FSTL5: variants seen among roughly 807,000 people sequenced by gnomAD.
FSTL5 encodes the protein follistatin like 5.
FSTL5 carries 62 observed loss-of-function variants against 89.1 expected under a neutral mutation model. That is an observed-to-expected ratio of 0.70 (90% confidence interval 0.57 to 0.86). FSTL5 has a LOEUF of 0.86. Among genes scored for constraint, FSTL5 ranks in the 40% least tolerant of loss-of-function variants. The pLI is 0.00. For missense variants in FSTL5, 1,057 were observed against 1,001.6 expected (o/e 1.06, Z -0.75); for synonymous variants, 383 against 346.2 (o/e 1.11, Z -1.18).
At chr4:161,789,767 T>A (rs1350199066) in intron 4 of FSTL5, among the ~76,000 whole-genome samples, 1 of 152,138 alleles carries the variant, frequency 6.6e-6, no homozygotes, top group Non-Finnish European at 1.5e-5. Flanking sequence ...GAAGGCCTAA[T>A]AGAGAGTCAA....
intron 15 of FSTL5, among the ~76,000 whole-genome samples, chr4:161,398,513 T>C (rs764523459): frequency 2.4e-4 from 36 of 152,114 alleles, no homozygotes; most frequent in Non-Finnish European, 4.1e-4. Context: ...TGAGCCCTTA[T>C]AAAAGGAGAC....
chr4:161,613,104 G>A (rs2126637305), intron 7 of FSTL5, among the ~76,000 whole-genome samples: 1 of 152,188 alleles, frequency 6.6e-6, no homozygotes, highest in Non-Finnish European at 1.5e-5. Flanking sequence ...TTGGAATCTA[G>A]GACTAATACA....
chr4:161,735,029 TG>T (rs1256267478), intron 6 of FSTL5, among the ~76,000 whole-genome samples: 2 of 152,280 alleles, frequency 1.3e-5, no homozygotes, highest in Admixed American at 1.3e-4. Context: ...TCCCCAAGAC[TG>T]GCCCCCCACT....
rs149259445 is a variant in FSTL5 at position 161,863,705 on chromosome 4, A to C, written c.409+56699T>G. The stretch of plus-strand genomic sequence containing the variant: ...TTACTTATCTTGTTTGAAAATTTGC[A>C]AAGTATAATTTGATAACCTTGCCAC... On this transcript the variant is annotated intron_variant, in intron 4 of 15. Coordinates refer to ENST00000306100, the MANE Select transcript of FSTL5 (RefSeq NM_020116.5). Among the ~76,000 whole-genome samples, 411 of 152,304 alleles carry C rather than the reference A, an allele frequency of 2.7e-3. 1 individual carries two copies. Among genetic ancestry groups the C allele is most frequent in the African/African-American group, 9.3e-3 (387 of 41,572 alleles).
rs188806349 is a variant in FSTL5 at position 161,525,206 on chromosome 4, A to T, written c.1312+12960T>A. 2.1e-3 allele frequency among the ~76,000 whole-genome samples: 318 copies of T among 152,242 alleles called. 2 individuals carry two copies. The highest frequency in any genetic ancestry group is 3.9e-3 in the Non-Finnish European group (264 of 68,026). ...TGCACTCAACTTTCTTTCTGAAAGGACTTCAAGACTTTCTAAAAATAGAGA... is the reference window on the plus strand; with the variant it reads ...TGCACTCAACTTTCTTTCTGAAAGGTCTTCAAGACTTTCTAAAAATAGAGA... On this transcript the variant is annotated intron_variant, in intron 10 of 15. Coordinates refer to ENST00000306100, the MANE Select transcript of FSTL5 (RefSeq NM_020116.5).
intron 2 of FSTL5, among the ~76,000 whole-genome samples, chr4:162,074,418 T>C (rs2111317649): frequency 6.6e-6 from 1 of 151,864 alleles, no homozygotes; most frequent in South Asian, 2.1e-4. Context: ...AAGGATTTTT[T>C]CACTGAAGAT....
In FSTL5 at chr4:161,852,281, G is replaced by T. The variant is rs181079325; in HGVS notation, c.409+68123C>A. Among the ~76,000 whole-genome samples, 8 of 152,090 alleles carry T rather than the reference G, an allele frequency of 5.3e-5. No individual in the cohort carries two copies. In the East Asian group the frequency reaches 1.5e-3, roughly 29 times the overall value. On this transcript the variant is annotated intron_variant, in intron 4 of 15. Coordinates refer to ENST00000306100, the MANE Select transcript of FSTL5 (RefSeq NM_020116.5). The stretch of plus-strand genomic sequence containing the variant: ...TAAAATAGCATATTTAAAAATGATA[G>T]AATTTACTGAAAAACTAACAAATAA...
At chr4:161,709,640 C>CA (rs1232578502) in intron 6 of FSTL5, among the ~76,000 whole-genome samples, 1 of 151,850 alleles carries the variant, frequency 6.6e-6, no homozygotes, top group African/African-American at 2.4e-5. Flanking sequence ...TCTACAAAAA[C>CA]AAAAAATTAG....
At chr4:161,679,174 G>A (rs905663474) in intron 6 of FSTL5, among the ~76,000 whole-genome samples, 1 of 151,414 alleles carries the variant, frequency 6.6e-6, no homozygotes, top group African/African-American at 2.4e-5. Context: ...AAACTTATAG[G>A]ATAAAACTTA....
chr4:161,596,862 C>G (rs6852215), intron 7 of FSTL5, among the ~76,000 whole-genome samples: 89,213 of 151,924 alleles, frequency 0.59, 26,458 homozygotes, highest in East Asian at 0.77. Context: ...CCTTCGCCCA[C>G]TTTTTGATGG....
chr4:161,820,636 G>A (rs1466206911), intron 4 of FSTL5, among the ~76,000 whole-genome samples: 1 of 152,128 alleles, frequency 6.6e-6, no homozygotes, highest in Non-Finnish European at 1.5e-5. Context: ...CCTGGACCAT[G>A]AGAGCCTTCC....
At chr4:161,914,594 A>G (rs1178996460) in intron 4 of FSTL5, among the ~76,000 whole-genome samples, 1 of 152,186 alleles carries the variant, frequency 6.6e-6, no homozygotes, top group African/African-American at 2.4e-5. Flanking sequence ...AATCAATAAC[A>G]AATATATTTC....
At chr4:161,586,705 T>G (rs1733629358) in intron 8 of FSTL5, among the ~76,000 whole-genome samples, 1 of 152,158 alleles carries the variant, frequency 6.6e-6, no homozygotes, top group Non-Finnish European at 1.5e-5. Flanking sequence ...ATCCAAATAT[T>G]TACCTGAGTC....
chr4:161,539,794 G>A (rs1454304493), intron 9 of FSTL5, among the ~76,000 whole-genome samples: 2 of 151,888 alleles, frequency 1.3e-5, no homozygotes, highest in Non-Finnish European at 2.9e-5. Flanking sequence ...TATGGTCTGT[G>A]GGTCTTAGTT....
At chr4:162,015,127 C>T (rs1293798189) in intron 3 of FSTL5, among the ~76,000 whole-genome samples, 1 of 152,072 alleles carries the variant, frequency 6.6e-6, no homozygotes, top group Middle Eastern at 3.2e-3. Flanking sequence ...AGAGGTAGAA[C>T]TTACAGATAT....
intron 6 of FSTL5, among the ~76,000 whole-genome samples, chr4:161,679,410 C>A (rs2126706842): frequency 6.6e-6 from 1 of 151,566 alleles, no homozygotes; most frequent in South Asian, 2.1e-4. Flanking sequence ...ATTAGGGAAT[C>A]TGAAGCAGGA....
At chr4:161,616,803 A>G (rs1339961082) in intron 7 of FSTL5, among the ~76,000 whole-genome samples, 2 of 149,764 alleles carry the variant, frequency 1.3e-5, no homozygotes, top group African/African-American at 2.5e-5. Context: ...CCACCCTGAC[A>G]CATGTTTACC....
intron 7 of FSTL5, among the ~76,000 whole-genome samples, chr4:161,651,012 C>G (rs528120202): frequency 1.3e-5 from 2 of 152,108 alleles, no homozygotes. Context: ...TTTTCTTTCA[C>G]CCCTGACTGC....
intron 4 of FSTL5, among the ~76,000 whole-genome samples, chr4:161,909,530 TTC>T (rs1311891108): frequency 5.9e-5 from 9 of 152,152 alleles, no homozygotes; most frequent in Non-Finnish European, 1.2e-4. Context: ...TCTTTTCTTC[TTC>T]TCTGTTATCT....
Sources: allele counts gnomAD v4.1 joint callset (sites outside exome capture counted in the v4.1 genomes callset), GRCh38; gene constraint gnomAD v4.1.1; transcripts MANE v1.5; gene names NCBI Gene and HGNC (gene_info 2026-07-23, HGNC 2026-07-21).